Variants in CNTN1 observed in about 807,000 individuals in gnomAD.
The protein encoded by CNTN1 is contactin 1.
CNTN1 carries 38 observed loss-of-function variants against 126.4 expected under a neutral mutation model. The ratio of observed to expected loss-of-function variants is 0.30; its 90% CI spans 0.23 to 0.39. The LOEUF is 0.39. Among genes scored for constraint, CNTN1 ranks in the 10% least tolerant of loss-of-function variants. The probability of loss-of-function intolerance (pLI) is 1.00; values close to 1 mark genes in which losing one functional copy is unlikely to be tolerated. For synonymous variants in CNTN1, 413 were observed against 422.6 expected (o/e 0.98, Z 0.28); for missense variants, 1,009 against 1,248.4 (o/e 0.81, Z 2.89).
Position 40,944,096 on chromosome 12 carries a change from A to T in CNTN1, c.1609A>T (p.Thr537Ser), listed in dbSNP as rs952518091. 1.9e-6 allele frequency: 3 copies of T among 1,613,450 alleles called. No individual in the cohort carries two copies. The African/African-American group carries it at 4.0e-5, about 22-fold the overall frequency. The change falls in exon 14 of 24, where the codon ACA becomes TCA. Residue 537 changes from threonine (T) to serine (S), a missense_variant. Physicochemically the swap from Thr to Ser is moderately conservative, Grantham distance 58. Coordinates refer to ENST00000551295, the MANE Select transcript of CNTN1 (RefSeq NM_001843.4). The part of the protein sequence containing the change: ...AASFDPALDL[T>S]FVWSFNGYVI... ...GTCCTTTGATCCTGCCTTGGATCTC[A>T]CATTTGTTTGGTCCTTCAATGGCTA...
chr12:40,915,862 T>A (rs1945219409), intron 3 of CNTN1, among the ~76,000 whole-genome samples: 1 of 152,112 alleles, frequency 6.6e-6, no homozygotes, highest in African/African-American at 2.4e-5. Context: ...ATCTGAAATT[T>A]CTATGCTACC....
At chr12:41,040,709 T>A (rs1256408232) in intron 23 of CNTN1, among the ~76,000 whole-genome samples, 1 of 152,034 alleles carries the variant, frequency 6.6e-6, no homozygotes, top group Non-Finnish European at 1.5e-5. Flanking sequence ...GATTTGGCTC[T>A]CTGTTTGTCT....
At chr12:40,997,767 G>A (rs1467672643) in intron 17 of CNTN1, among the ~76,000 whole-genome samples, 1 of 152,164 alleles carries the variant, frequency 6.6e-6, no homozygotes, top group Admixed American at 6.5e-5. Context: ...TATCCAATTA[G>A]ATGAAGTATA....
chr12:41,032,188 C>G (rs1477401776), intron 23 of CNTN1, among the ~76,000 whole-genome samples: 1 of 152,092 alleles, frequency 6.6e-6, no homozygotes, highest in Non-Finnish European at 1.5e-5. Flanking sequence ...GTTGGCCTCT[C>G]AAGGCCTATT....
chr12:41,041,699 G>T (rs1041521768), intron 23 of CNTN1, among the ~76,000 whole-genome samples: 1 of 152,280 alleles, frequency 6.6e-6, no homozygotes, highest in East Asian at 1.9e-4. Flanking sequence ...TAGTTTATTT[G>T]CGTAGAGGTG....
intron 23 of CNTN1, among the ~76,000 whole-genome samples, chr12:41,030,689 T>C (rs1949129116): frequency 6.6e-6 from 1 of 152,142 alleles, no homozygotes; most frequent in Non-Finnish European, 1.5e-5. Context: ...AAATTAATCT[T>C]TCTTCTGGTT....
chr12:40,749,344 T>G (rs897466364), intron 1 of CNTN1, among the ~76,000 whole-genome samples: 1 of 152,128 alleles, frequency 6.6e-6, no homozygotes, highest in Non-Finnish European at 1.5e-5. Context: ...CACAATTCAC[T>G]GATTTCTTTG....
At chr12:40,762,807 G>A (rs950992949) in intron 1 of CNTN1, among the ~76,000 whole-genome samples, 1 of 151,998 alleles carries the variant, frequency 6.6e-6, no homozygotes, top group Non-Finnish European at 1.5e-5. Context: ...CAGGAATTGA[G>A]TAAATAATAA....
At chr12:40,972,477 C>T in intron 15 of CNTN1, 1 of 975,478 alleles carries the variant, frequency 1.0e-6, no homozygotes, top group Non-Finnish European at 1.2e-6. Context: ...CTTCATCTAG[C>T]AATTCTCTCT....
chr12:41,016,799 G>A lies in CNTN1; in HGVS notation c.2302G>A (p.Val768Ile). Reference sequence around the variant, plus strand: ...TACTAATCCTGATACTGGCCGATATGTCCATAAAGATGAAACCATGAGCCC... The same window carrying A: ...TACTAATCCTGATACTGGCCGATATATCCATAAAGATGAAACCATGAGCCC... ...TVTNPDTGRY[V>I]HKDETMSPST... The change falls in exon 19 of 24, where the codon GTC becomes ATC. Residue 768 changes from valine (V) to isoleucine (I), a missense_variant. Transcript: ENST00000551295. 6.2e-7 allele frequency: 1 copy of A among 1,614,084 alleles called. No homozygotes were observed. The highest frequency in any genetic ancestry group is 1.7e-5 in the Admixed American group (1 of 60,014).
chr12:40,957,498 A>G (rs910563119), intron 14 of CNTN1, among the ~76,000 whole-genome samples: 1 of 151,296 alleles, frequency 6.6e-6, no homozygotes, highest in Non-Finnish European at 1.5e-5. Context: ...TTGTTCAGTA[A>G]ACTAACTTTA....
chr12:40,903,021 G>C (rs913182705), intron 1 of CNTN1, among the ~76,000 whole-genome samples: 8 of 152,210 alleles, frequency 5.3e-5, no homozygotes, highest in African/African-American at 1.9e-4. Context: ...ACTATATTGA[G>C]AAGTGCTGTT....
At chr12:40,803,292 T>C (rs963385525) in intron 1 of CNTN1, among the ~76,000 whole-genome samples, 4 of 152,030 alleles carry the variant, frequency 2.6e-5, no homozygotes, top group African/African-American at 9.7e-5. Flanking sequence ...CAACATTGTC[T>C]CATCCCTTCT....
chr12:40,807,959 A>G (rs1221822705), intron 1 of CNTN1, among the ~76,000 whole-genome samples: 1 of 152,294 alleles, frequency 6.6e-6, no homozygotes, highest in South Asian at 2.1e-4. Flanking sequence ...TGATGAAGCA[A>G]ATTTAACCAC....
chr12:41,050,382 C>G (rs190226264), intron 23 of CNTN1, among the ~76,000 whole-genome samples: 1 of 152,096 alleles, frequency 6.6e-6, no homozygotes, highest in African/African-American at 2.4e-5. Flanking sequence ...CCTCAGGAAA[C>G]TTATAATCAT....
At chr12:40,886,749 G>T (rs368032422) in intron 1 of CNTN1, among the ~76,000 whole-genome samples, 2 of 152,256 alleles carry the variant, frequency 1.3e-5, no homozygotes, top group Middle Eastern at 3.4e-3. Flanking sequence ...TTTGTATAAG[G>T]TGTAAGGAAG....
At chr12:41,004,424 G>C (rs1948441252) in intron 17 of CNTN1, among the ~76,000 whole-genome samples, 1 of 152,152 alleles carries the variant, frequency 6.6e-6, no homozygotes, top group Non-Finnish European at 1.5e-5. Flanking sequence ...TGTTATTTTG[G>C]GGTGGAGAGT....
At chr12:40,866,948 C>A (rs1943317977) in intron 1 of CNTN1, among the ~76,000 whole-genome samples, 1 of 152,070 alleles carries the variant, frequency 6.6e-6, no homozygotes, top group Non-Finnish European at 1.5e-5. Context: ...TTTTAAGGGC[C>A]AGGCCTAAAA....
chr12:40,834,603 T>G (rs1342054358), intron 1 of CNTN1, among the ~76,000 whole-genome samples: 1 of 152,096 alleles, frequency 6.6e-6, no homozygotes, highest in Non-Finnish European at 1.5e-5. Flanking sequence ...ATTGAAGAAC[T>G]GGGTGGATAG....
Sources: gnomAD v4.1 joint callset for allele counts (sites outside exome capture counted in the v4.1 genomes callset) on GRCh38, gnomAD v4.1.1 for gene constraint, MANE v1.5 for transcripts, NCBI Gene and HGNC (gene_info 2026-07-23, HGNC 2026-07-21) for gene names.